The following ZMIZ1 variants were observed in gnomAD, a reference collection of about 807,000 sequenced individuals.
ZMIZ1 encodes zinc finger MIZ domain-containing protein 1.
Under a neutral mutation model 113.9 loss-of-function variants are expected in ZMIZ1, and 17 were observed. That is an observed-to-expected ratio of 0.15 (90% confidence interval 0.10 to 0.22). The LOEUF (loss-of-function observed/expected upper bound fraction) is 0.22. ZMIZ1 is among the 10% of genes least tolerant of loss of function. The probability of loss-of-function intolerance (pLI) is 1.00; values close to 1 mark genes in which losing one functional copy is unlikely to be tolerated. For synonymous variants in ZMIZ1, 607 were observed against 603.1 expected (o/e 1.01, Z -0.09); for missense variants, 1,059 against 1,477.8 (o/e 0.72, Z 4.65).
At chr10:79,281,283 T>C (rs972055721) in intron 8 of ZMIZ1, among the ~76,000 whole-genome samples, 4 of 152,068 alleles carry the variant, frequency 2.6e-5, no homozygotes, top group Admixed American at 6.5e-5. Context: ...TGGGGCCACG[T>C]TGGAATCTGG....
At chr10:79,161,637 C>T (rs1272232815) in intron 3 of ZMIZ1, among the ~76,000 whole-genome samples, 1 of 152,182 alleles carries the variant, frequency 6.6e-6, no homozygotes, top group Non-Finnish European at 1.5e-5. Context: ...GCAAGCACTG[C>T]TTTTACTTTT....
At chr10:79,156,300 G>A (rs760020650) in intron 3 of ZMIZ1, among the ~76,000 whole-genome samples, 2 of 152,052 alleles carry the variant, frequency 1.3e-5, no homozygotes, top group Non-Finnish European at 2.9e-5. Context: ...TCACTCTTTG[G>A]GTCCCCACGG....
chr10:79,150,834 C>G (rs1304729497), intron 3 of ZMIZ1, among the ~76,000 whole-genome samples: 1 of 152,060 alleles, frequency 6.6e-6, no homozygotes, highest in Non-Finnish European at 1.5e-5. Context: ...CAGCTCTGCT[C>G]AGGGAGCTGG....
intron 3 of ZMIZ1, among the ~76,000 whole-genome samples, chr10:79,149,471 C>G (rs573277717): frequency 2.0e-5 from 3 of 152,188 alleles, no homozygotes; most frequent in Non-Finnish European, 4.4e-5. Context: ...AGGTGAGCCT[C>G]CAGTTCCTGA....
chr10:79,100,304 C>T (rs927493373), intron 1 of ZMIZ1, among the ~76,000 whole-genome samples: 1 of 151,966 alleles, frequency 6.6e-6, no homozygotes, highest in Non-Finnish European at 1.5e-5. Context: ...GGGGAATGCT[C>T]AGCAGAAAGA....
intron 4 of ZMIZ1, among the ~76,000 whole-genome samples, chr10:79,178,919 T>C (rs774599351): frequency 5.9e-5 from 9 of 152,170 alleles, no homozygotes; most frequent in Non-Finnish European, 1.3e-4. Flanking sequence ...CAGGGCCGCA[T>C]GAAGCCCTGC....
intron 3 of ZMIZ1, among the ~76,000 whole-genome samples, chr10:79,149,434 C>T (rs1452689591): frequency 6.6e-6 from 1 of 152,214 alleles, no homozygotes; most frequent in Non-Finnish European, 1.5e-5. Flanking sequence ...AACCTCTGCA[C>T]TCCCACCATA....
At chr10:79,084,875 G>C (rs1444863177) in intron 1 of ZMIZ1, among the ~76,000 whole-genome samples, 1 of 151,866 alleles carries the variant, frequency 6.6e-6, no homozygotes, top group Non-Finnish European at 1.5e-5. Context: ...GTGGGGTGGG[G>C]GTGGGGGAAT....
intron 1 of ZMIZ1, among the ~76,000 whole-genome samples, chr10:79,093,294 TTTATTTA>T (rs1394622778): frequency 6.7e-3 from 36 of 5,406 alleles, no homozygotes; most frequent in Admixed American, 0.019. Context: ...TTTTATTTTA[TTTATTTA>T]TTTATTTATT....
intron 7 of ZMIZ1, among the ~76,000 whole-genome samples, chr10:79,275,409 A>G (rs540209111): frequency 6.6e-6 from 1 of 152,338 alleles, no homozygotes; most frequent in African/African-American, 2.4e-5. Context: ...TGGGGACCAC[A>G]GCCCCTGCTT....
In ZMIZ1 at chr10:79,313,166, C is replaced by A. The variant is rs951581310; in HGVS notation, c.*417C>A. The A allele has an allele frequency of 4.1e-5, 7 of 171,038 alleles. No homozygotes were observed. The highest frequency in any genetic ancestry group is 1.1e-4 in the Admixed American group (2 of 17,612). 10.6% of individuals were successfully genotyped at this position (171,038 alleles called of 1,614,324 possible). A position where few individuals can be genotyped will look rare whatever the true frequency, so the allele number is the denominator to read the frequency against. The stretch of plus-strand genomic sequence containing the variant: ...TAACCCTGCCTCCCTGCTTCCTGGT[C>A]CAGAGCCTCCCTCCAGTGACTGTGG... On this transcript the variant is annotated 3_prime_UTR_variant, in exon 25 of 25. Coordinates refer to ENST00000334512, the MANE Select transcript of ZMIZ1 (RefSeq NM_020338.4).
intron 5 of ZMIZ1, among the ~76,000 whole-genome samples, chr10:79,207,586 G>T (rs1848369476): frequency 6.6e-6 from 1 of 152,134 alleles, no homozygotes; most frequent in African/African-American, 2.4e-5. Flanking sequence ...CCAGAATTCA[G>T]TCTCCATCGA....
At chr10:79,125,275 G>T (rs1457122115) in intron 2 of ZMIZ1, among the ~76,000 whole-genome samples, 2 of 152,220 alleles carry the variant, frequency 1.3e-5, no homozygotes, top group East Asian at 3.8e-4. Context: ...CTTGGGGCAG[G>T]CGTTGCTCAG....
At chr10:79,180,226 T>A (rs1244153924) in intron 4 of ZMIZ1, among the ~76,000 whole-genome samples, 1 of 152,132 alleles carries the variant, frequency 6.6e-6, no homozygotes, top group Non-Finnish European at 1.5e-5. Context: ...GGTGCCAGGC[T>A]GTGCACACCC....
At chr10:79,204,252 C>T (rs777036240) in intron 5 of ZMIZ1, among the ~76,000 whole-genome samples, 11 of 152,196 alleles carry the variant, frequency 7.2e-5, no homozygotes, top group Admixed American at 2.6e-4. Context: ...CCTTTGCTGG[C>T]GTTCACCAAC....
At chr10:79,187,911 T>G (rs697238) in intron 4 of ZMIZ1, among the ~76,000 whole-genome samples, 90,958 of 151,966 alleles carry the variant, frequency 0.6, 27,355 homozygotes, top group East Asian at 0.69. Context: ...TGGTTTTGTG[T>G]ATAGTTACTG....
chr10:79,130,797 A>G (rs146253970), intron 2 of ZMIZ1, among the ~76,000 whole-genome samples: 1 of 152,222 alleles, frequency 6.6e-6, no homozygotes, highest in African/African-American at 2.4e-5. Flanking sequence ...AGTGACACTT[A>G]TGAAGTGTTT....
intron 7 of ZMIZ1, among the ~76,000 whole-genome samples, chr10:79,238,154 C>T (rs1047078592): frequency 1.3e-5 from 2 of 152,194 alleles, no homozygotes; most frequent in Admixed American, 1.3e-4. Context: ...GTGCCCCCTC[C>T]CCTCAGAATC....
intron 7 of ZMIZ1, among the ~76,000 whole-genome samples, chr10:79,263,107 G>A (rs139907705): frequency 2.4e-4 from 36 of 152,372 alleles, no homozygotes; most frequent in Non-Finnish European, 4.3e-4. Context: ...AGAAGGGAGC[G>A]CGTAAGTACC....
Sources: gnomAD v4.1 joint callset for allele counts (sites outside exome capture counted in the v4.1 genomes callset) on GRCh38, gnomAD v4.1.1 for gene constraint, MANE v1.5 for transcripts, NCBI Gene and HGNC (gene_info 2026-07-23, HGNC 2026-07-21) for gene names.